CTH: variants seen among roughly 807,000 people sequenced by gnomAD.
CTH encodes cystathionine gamma-lyase.
A neutral mutation model predicts 50.6 loss-of-function variants in CTH; 41 were observed. That is an observed-to-expected ratio of 0.81 (90% CI 0.63 to 1.05). The LOEUF (loss-of-function observed/expected upper bound fraction) is 1.05, where lower values mean the gene tolerates loss of function less well. Among genes scored for constraint, CTH ranks in the 50% least tolerant of loss-of-function variants. The pLI, the probability that CTH is intolerant of heterozygous loss-of-function variation, is 0.00. For synonymous variants in CTH, 156 were observed against 168.9 expected (o/e 0.92, Z 0.59); for missense variants, 470 against 492.6 (o/e 0.95, Z 0.43).
At chr1:70,431,642 A>G (rs996461253) in intron 7 of CTH, among the ~76,000 whole-genome samples, 6 of 152,240 alleles carry the variant, frequency 3.9e-5, no homozygotes, top group Non-Finnish European at 7.3e-5. Context: ...TCCTGGAGGC[A>G]TGTGAAATCA....
rs1683955521 is a variant in CTH, at chr1:70,411,322, C to G, written c.-94C>G. On this transcript the variant is annotated 5_prime_UTR_variant, in exon 1 of 12. Transcript: ENST00000370938. ...ACCTGCGTGCTTTAGCTCCTTCTCG[C>G]CTGATCCTTCTGTCTCTCCCAACCC... is the stretch of plus-strand genomic sequence containing the variant. 2 of 1,316,680 alleles carry G rather than the reference C, an allele frequency of 1.5e-6. No individual in the cohort carries two copies. Among genetic ancestry groups the G allele is most frequent in the African/African-American group, 2.9e-5 (2 of 69,162 alleles). The allele number at this position is 1,316,680 out of a possible 1,614,324, so 81.6% of individuals were successfully genotyped here.
chr1:70,430,933 T>C (rs1019312746), intron 7 of CTH: 14 of 151,830 alleles, frequency 9.2e-5, no homozygotes, highest in East Asian at 4.0e-4. Flanking sequence ...TCCCAGCACA[T>C]TGGGAGGCTG....
intron 10 of CTH, among the ~76,000 whole-genome samples, chr1:70,435,484 A>G (rs1684578576): frequency 1.3e-5 from 2 of 151,940 alleles, no homozygotes; most frequent in African/African-American, 4.8e-5. Flanking sequence ...CACATGTTCT[A>G]CCCTACTCAG....
intron 5 of CTH, among the ~76,000 whole-genome samples, chr1:70,425,988 A>G (rs1316505274): frequency 6.6e-6 from 1 of 152,170 alleles, no homozygotes; most frequent in African/African-American, 2.4e-5. Context: ...CATACTAGTG[A>G]TTAGATTTCA....
intron 10 of CTH, among the ~76,000 whole-genome samples, chr1:70,438,157 C>G (rs1684636524): frequency 6.6e-6 from 1 of 152,052 alleles, no homozygotes; most frequent in Non-Finnish European, 1.5e-5. Context: ...GCCTCTATGC[C>G]AGGAGTTATA....
At chr1:70,432,682 C>T (rs201906240) in intron 8 of CTH, among the ~76,000 whole-genome samples, 2 of 89,866 alleles carry the variant, frequency 2.2e-5, no homozygotes, top group African/African-American at 4.1e-5. Flanking sequence ...CTCTCTCTCT[C>T]TTTTTTTTTT....
rs201349644 is a variant in CTH at position 70,432,054 on chromosome 1, A to G, written c.725-29A>G. 5.8e-4 allele frequency: 931 copies of G among 1,613,464 alleles called. 2 individuals are homozygous for G. In the African/African-American group the frequency reaches 0.011, roughly 18 times the overall value. On this transcript the variant is annotated intron_variant, in intron 7 of 11. Coordinates refer to ENST00000370938, the MANE Select transcript of CTH (RefSeq NM_001902.6). ...ATTTCTTGGCCATACCCTGCCTTCA[A>G]ACTTATCCAGGATGTGTTCATTTTG...
At chr1:70,432,865 G>C (rs1192812615) in intron 8 of CTH, among the ~76,000 whole-genome samples, 1 of 151,854 alleles carries the variant, frequency 6.6e-6, no homozygotes, top group Non-Finnish European at 1.5e-5. Flanking sequence ...TGTATTTTTA[G>C]TAAAGACGGG....
At chr1:70,414,242 G>C (rs1298350578) in intron 1 of CTH, among the ~76,000 whole-genome samples, 1 of 151,564 alleles carries the variant, frequency 6.6e-6, no homozygotes, top group African/African-American at 2.4e-5. Flanking sequence ...GGTTGGGCGC[G>C]GTGGCTCACG....
At chr1:70,428,372 TAGG>T (rs1187247520) in intron 5 of CTH, among the ~76,000 whole-genome samples, 1 of 152,028 alleles carries the variant, frequency 6.6e-6, no homozygotes, top group East Asian at 1.9e-4. Context: ...TATATCAAAA[TAGG>T]AGAGAGGATT....
intron 5 of CTH, among the ~76,000 whole-genome samples, chr1:70,426,126 C>T (rs1391924328): frequency 6.6e-6 from 1 of 152,270 alleles, no homozygotes; most frequent in East Asian, 1.9e-4. Flanking sequence ...CTATCCTTTC[C>T]TTTTTTCTCT....
chr1:70,436,875 C>G (rs1177015086), intron 10 of CTH, among the ~76,000 whole-genome samples: 1 of 152,148 alleles, frequency 6.6e-6, no homozygotes, highest in Non-Finnish European at 1.5e-5. Flanking sequence ...AAATAAATCT[C>G]TCCTGATTTA....
chr1:70,426,916 C>T lies in CTH; in HGVS notation c.588+2500C>T, dbSNP rs1233173233. Among the ~76,000 whole-genome samples the T allele has an allele frequency of 4.6e-5, 7 of 152,200 alleles. No individual in the cohort carries two copies. The East Asian group carries it at 5.8e-4, about 13-fold the overall frequency. ...GTAGCCTGGACCTGCCCGGGTTACT[C>T]ATCAAACCTGGCCCTCTTTCTCCTA... On this transcript the variant is annotated intron_variant, in intron 5 of 11. Transcript: ENST00000370938.
chr1:70,418,159 G>A (rs1684134434), intron 3 of CTH, 127 bp downstream of exon 3: 2 of 1,053,128 alleles, frequency 1.9e-6, no homozygotes, highest in East Asian at 5.2e-5. Flanking sequence ...GGTGTGACAG[G>A]TACCTCTATG....
At chr1:70,435,751 T>C (rs1031932477) in intron 10 of CTH, among the ~76,000 whole-genome samples, 2 of 152,194 alleles carry the variant, frequency 1.3e-5, no homozygotes, top group Non-Finnish European at 1.5e-5. Flanking sequence ...CATCTAGTTT[T>C]TTCAAAGCAT....
chr1:70,419,518 A>G (rs1040399554), intron 3 of CTH, among the ~76,000 whole-genome samples: 1 of 152,276 alleles, frequency 6.6e-6, no homozygotes, highest in Admixed American at 6.5e-5. Flanking sequence ...TCGCCATTCT[A>G]ACTGGTGTGA....
chr1:70,435,318 C>A, intron 10 of CTH, 141 bp downstream of exon 10: 2 of 818,484 alleles, frequency 2.4e-6, no homozygotes, highest in Non-Finnish European at 3.9e-6. Flanking sequence ...GGACTCTAAC[C>A]CTGTCAAGAT....
intron 1 of CTH, among the ~76,000 whole-genome samples, chr1:70,414,883 T>G (rs1281531646): frequency 6.6e-6 from 1 of 152,054 alleles, no homozygotes; most frequent in Non-Finnish European, 1.5e-5. Flanking sequence ...GCAGTGGCAC[T>G]ATCTCGGCTC....
Position 70,413,467 on chromosome 1 carries a change from T to C in CTH, c.168+1884T>C, listed in dbSNP as rs1305031747. 3.3e-5 allele frequency among the ~76,000 whole-genome samples: 5 copies of C among 152,044 alleles called. No homozygotes were observed. In the East Asian group the frequency reaches 9.7e-4, roughly 30 times the overall value. ...TTTTAGTAGAGACGGGGTTTCACCA[T>C]GTTGGCCAGGCTGCTCTTGAACTCC... On this transcript the variant is annotated intron_variant, in intron 1 of 11. Coordinates refer to ENST00000370938, the MANE Select transcript of CTH (RefSeq NM_001902.6).
Sources: gnomAD v4.1 joint callset for allele counts (sites outside exome capture counted in the v4.1 genomes callset) on GRCh38, gnomAD v4.1.1 for gene constraint, MANE v1.5 for transcripts, NCBI Gene and HGNC (gene_info 2026-07-23, HGNC 2026-07-21) for gene names.